The following PRRX1 variants were observed in gnomAD, a reference collection of about 807,000 sequenced individuals.
The protein encoded by PRRX1 is paired mesoderm homeobox protein 1.
A neutral mutation model predicts 24.0 loss-of-function variants in PRRX1; 8 were observed. The ratio of observed to expected loss-of-function variants is 0.33; its 90% CI spans 0.20 to 0.60. The LOEUF is 0.60. Ranked by LOEUF, PRRX1 falls within the 20% of genes least tolerant of loss-of-function variation. The pLI, the probability that PRRX1 is intolerant of heterozygous loss-of-function variation, is 0.82. For missense variants in PRRX1, 281 were observed against 322.4 expected (o/e 0.87, Z 0.98); for synonymous variants, 160 against 131.7 (o/e 1.22, Z -1.47).
At chr1:170,729,812 A>C (rs1256124986) in intron 3 of PRRX1, among the ~76,000 whole-genome samples, 1 of 152,198 alleles carries the variant, frequency 6.6e-6, no homozygotes, top group African/African-American at 2.4e-5. Context: ...TGGCCAGTTA[A>C]AGGAAGCTTG....
intron 3 of PRRX1, 146 bp downstream of exon 3, chr1:170,726,547 T>C: frequency 1.0e-6 from 1 of 999,872 alleles, no homozygotes; most frequent in East Asian, 2.6e-5. Flanking sequence ...TCCCCACATT[T>C]TCCCAGGAGA....
intron 1 of PRRX1, among the ~76,000 whole-genome samples, chr1:170,697,713 T>C (rs674213): frequency 0.072 from 10,651 of 147,268 alleles, 476 homozygotes; most frequent in Middle Eastern, 0.14. Context: ...TATACACATA[T>C]ATAGATATAT....
chr1:170,666,175 C>T (rs1018739560), intron 1 of PRRX1, among the ~76,000 whole-genome samples: 1 of 152,110 alleles, frequency 6.6e-6, no homozygotes, highest in African/African-American at 2.4e-5. Context: ...AATCCTAGCA[C>T]TTTGGGAGGC....
chr1:170,683,991 T>C lies in PRRX1; in HGVS notation c.241+19532T>C, dbSNP rs767287203. Among the ~76,000 whole-genome samples, 10 of 152,320 alleles carry C rather than the reference T, an allele frequency of 6.6e-5. 1 individual carries two copies. The South Asian group carries it at 1.9e-3, about 28-fold the overall frequency. On this transcript the variant is annotated intron_variant, in intron 1 of 3. Transcript: ENST00000239461. ...TTTTGATTAACAAGTATGCATTGTA[T>C]TCAGCATCATGCCAAGCACTTTGGA...
chr1:170,716,217 T>C (rs1167904608), intron 1 of PRRX1, among the ~76,000 whole-genome samples: 2 of 152,182 alleles, frequency 1.3e-5, no homozygotes, highest in African/African-American at 2.4e-5. Context: ...ATATTTTCAG[T>C]TTACTCAATC....
chr1:170,714,713 C>T (rs186191171), intron 1 of PRRX1, among the ~76,000 whole-genome samples: 10 of 152,254 alleles, frequency 6.6e-5, no homozygotes, highest in Admixed American at 3.3e-4. Flanking sequence ...TAGGGATCAC[C>T]ACATGCTGTC....
rs557676367 is a variant in PRRX1, at chr1:170,688,441, G to A, written c.241+23982G>A. On this transcript the variant is annotated intron_variant, in intron 1 of 3. Coordinates refer to ENST00000239461, the MANE Select transcript of PRRX1 (RefSeq NM_022716.4). ...TTTACTCTTAAAGATAGCTTTGTCC[G>A]GTATGTTTCAACAGTTTCTAACTTT... Among the ~76,000 whole-genome samples, 39 of 151,734 alleles carry A rather than the reference G, an allele frequency of 2.6e-4. 1 individual carries two copies. Among genetic ancestry groups the A allele is most frequent in the African/African-American group, 4.8e-4 (20 of 41,366 alleles).
intron 1 of PRRX1, among the ~76,000 whole-genome samples, chr1:170,694,076 C>A (rs757425178): frequency 2.0e-5 from 3 of 152,012 alleles, no homozygotes; most frequent in Non-Finnish European, 4.4e-5. Context: ...TTACCACATA[C>A]TTTGGTTTCC....
intron 1 of PRRX1, among the ~76,000 whole-genome samples, chr1:170,665,850 C>T (rs1652907768): frequency 6.6e-6 from 1 of 152,208 alleles, no homozygotes; most frequent in Admixed American, 6.5e-5. Context: ...CCACCCAATG[C>T]ATTAGCAGAC....
intron 2 of PRRX1, among the ~76,000 whole-genome samples, chr1:170,720,464 T>G (rs573379849): frequency 6.6e-6 from 1 of 152,298 alleles, no homozygotes; most frequent in South Asian, 2.1e-4. Context: ...GAATAATCCT[T>G]GCTACAGGTT....
Position 170,738,666 on chromosome 1 carries a change from TA to T in PRRX1, c.*2481del, listed in dbSNP as rs1357923727. The T allele has an allele frequency of 8.7e-6, 2 of 228,834 alleles. No homozygotes were observed. The highest frequency in any genetic ancestry group is 1.7e-5 in the Non-Finnish European group (2 of 115,446). 14.2% of individuals were successfully genotyped at this position (228,834 alleles called of 1,614,324 possible). On this transcript the variant is annotated 3_prime_UTR_variant, in exon 4 of 4. Coordinates refer to ENST00000239461, the MANE Select transcript of PRRX1 (RefSeq NM_022716.4). ...AGAGAATGGCTAAGAAGATTTGAAT[TA>T]TAGGGAGGGAACAGAAATCATACAT... is the stretch of plus-strand genomic sequence containing the variant.
At chr1:170,702,252 G>T (rs1179038660) in intron 1 of PRRX1, among the ~76,000 whole-genome samples, 1 of 152,156 alleles carries the variant, frequency 6.6e-6, no homozygotes, top group East Asian at 1.9e-4. Context: ...ATCAGGCCAC[G>T]GACTGTTACC....
intron 1 of PRRX1, chr1:170,667,296 ACGCGCGCGCG>A (rs779067237): frequency 7.7e-6 from 1 of 129,688 alleles, no homozygotes; most frequent in Non-Finnish European, 1.6e-5. Context: ...AGAAACACAC[ACGCGCGCGCG>A]CGCGCACACA....
chr1:170,730,414 T>G (rs1655400291), intron 3 of PRRX1: 3 of 1,367,280 alleles, frequency 2.2e-6, no homozygotes, highest in Admixed American at 1.7e-5. Flanking sequence ...TTCAGAGTGT[T>G]TAAGAAAGTG....
At chr1:170,729,763 C>T (rs923892361) in intron 3 of PRRX1, among the ~76,000 whole-genome samples, 29 of 152,184 alleles carry the variant, frequency 1.9e-4, no homozygotes, top group African/African-American at 6.8e-4. Context: ...TTCCCTATCA[C>T]GGACACTGTT....
At chr1:170,686,620 G>A (rs1283155583) in intron 1 of PRRX1, among the ~76,000 whole-genome samples, 1 of 152,140 alleles carries the variant, frequency 6.6e-6, no homozygotes, top group Non-Finnish European at 1.5e-5. Context: ...GGTAGGAGAC[G>A]GGCGGCTGCA....
chr1:170,722,459 A>G (rs1558061199), intron 2 of PRRX1, among the ~76,000 whole-genome samples: 1 of 152,116 alleles, frequency 6.6e-6, no homozygotes, highest in East Asian at 1.9e-4. Flanking sequence ...TAAGATACTG[A>G]CCCTCTCCTT....
intron 1 of PRRX1, chr1:170,667,967 G>A (rs1349017804): frequency 6.6e-6 from 1 of 151,988 alleles, no homozygotes; most frequent in East Asian, 1.9e-4. Flanking sequence ...GCTTCTCCCA[G>A]ACCCTCCCCA....
intron 3 of PRRX1, chr1:170,727,622 G>C (rs2101923448): frequency 6.6e-6 from 1 of 152,280 alleles, no homozygotes; most frequent in South Asian, 2.1e-4. Flanking sequence ...TCATCTAAAA[G>C]TTTCTTTCTG....
Sources: allele counts gnomAD v4.1 joint callset (sites outside exome capture counted in the v4.1 genomes callset), GRCh38; gene constraint gnomAD v4.1.1; transcripts MANE v1.5; gene names NCBI Gene and HGNC (gene_info 2026-07-23, HGNC 2026-07-21).